Variants in SVOP observed in about 807,000 individuals in gnomAD.
SVOP encodes SV2 related protein.
In SVOP, 17 loss-of-function variants were observed where a neutral mutation model predicts 69.1. That is an observed-to-expected ratio of 0.25 (90% CI 0.17 to 0.37). The LOEUF (loss-of-function observed/expected upper bound fraction) is 0.37, where lower values mean the gene tolerates loss of function less well. Among genes scored for constraint, SVOP ranks in the 10% least tolerant of loss-of-function variants. The pLI, the probability that SVOP is intolerant of heterozygous loss-of-function variation, is 1.00. For missense variants in SVOP, 435 were observed against 597.5 expected, an observed-to-expected ratio of 0.73 and a Z score of 2.84; for synonymous variants, 238 against 238.6, an observed-to-expected ratio of 1.00 and a Z score of 0.02.
chr12:109,004,410 C>CAT, intron 1 of SVOP, among the ~76,000 whole-genome samples: 1 of 120,400 alleles, frequency 8.3e-6, no homozygotes, highest in South Asian at 2.8e-4. Context: ...GGTATTGCTA[C>CAT]TTTTTTTTTT....
chr12:108,979,790 C>A (rs1451560633), intron 2 of SVOP, among the ~76,000 whole-genome samples: 5 of 152,110 alleles, frequency 3.3e-5, no homozygotes, highest in Non-Finnish European at 5.9e-5. Context: ...TCTTTAATGT[C>A]TGAATGCTTT....
rs891118759 is a variant in SVOP at position 108,929,490 on chromosome 12, G to A, written c.1048+4705C>T. 2.0e-5 allele frequency among the ~76,000 whole-genome samples: 3 copies of A among 151,746 alleles called. No individual in the cohort carries two copies. The East Asian group carries it at 5.8e-4, about 29-fold the overall frequency. ...GGCATGCGAATTTTTTCTACATTTT[G>A]TAGAAATGGGGTCTCACTATGTTGC... On this transcript the variant is annotated intron_variant, in intron 11 of 15. Transcript: ENST00000610966.
intron 1 of SVOP, among the ~76,000 whole-genome samples, chr12:108,985,957 A>G (rs1475811863): frequency 6.6e-6 from 1 of 152,214 alleles, no homozygotes; most frequent in Non-Finnish European, 1.5e-5. Context: ...AGATTAAATC[A>G]CAGTAATTCT....
intron 5 of SVOP, among the ~76,000 whole-genome samples, chr12:108,967,740 T>G (rs1455043484): frequency 1.3e-5 from 2 of 152,162 alleles, no homozygotes; most frequent in East Asian, 3.9e-4. Flanking sequence ...TTGGCCCCTA[T>G]GCACTGGATG....
chr12:108,970,633 C>T (rs2040073645), intron 5 of SVOP, among the ~76,000 whole-genome samples: 2 of 152,108 alleles, frequency 1.3e-5, no homozygotes, highest in African/African-American at 4.8e-5. Flanking sequence ...AAGTATGGTC[C>T]CAAGCATTGA....
chr12:108,960,366 G>C (rs1450112479), intron 6 of SVOP, among the ~76,000 whole-genome samples: 1 of 152,186 alleles, frequency 6.6e-6, no homozygotes, highest in Non-Finnish European at 1.5e-5. Context: ...CCAGGAGACA[G>C]TGGCTTCTTC....
chr12:109,009,208 C>T (rs748645588), intron 1 of SVOP, among the ~76,000 whole-genome samples: 26 of 151,214 alleles, frequency 1.7e-4, no homozygotes, highest in Middle Eastern at 3.5e-3. Context: ...ATAATCAGCC[C>T]GCCTTGGCCT....
At chr12:108,919,291 A>C (rs985056568) in intron 13 of SVOP, among the ~76,000 whole-genome samples, 9 of 146,182 alleles carry the variant, frequency 6.2e-5, no homozygotes, top group Non-Finnish European at 9.0e-5. Flanking sequence ...ACCTGTACCC[A>C]CACTTGGGCC....
chr12:108,984,756 C>T (rs2040158513), intron 1 of SVOP, among the ~76,000 whole-genome samples: 1 of 152,144 alleles, frequency 6.6e-6, no homozygotes, highest in African/African-American at 2.4e-5. Context: ...TGTCTCCTTC[C>T]AACTTTCTCA....
At chr12:108,941,104 A>G (rs562843028) in intron 7 of SVOP, among the ~76,000 whole-genome samples, 195 bp from the exon 8 acceptor site, 12 of 152,214 alleles carry the variant, frequency 7.9e-5, no homozygotes, top group Non-Finnish European at 1.6e-4. Context: ...CAAGGGTACC[A>G]TTATACACTG....
At chr12:108,959,385 ACT>A (rs2040004170) in intron 6 of SVOP, among the ~76,000 whole-genome samples, 1 of 128,794 alleles carries the variant, frequency 7.8e-6, no homozygotes, top group South Asian at 2.4e-4. Context: ...TCAGAGTCTC[ACT>A]CTGTCATTCA....
chr12:108,920,268 G>T (rs754439150), intron 12 of SVOP, among the ~76,000 whole-genome samples: 3 of 152,226 alleles, frequency 2.0e-5, no homozygotes, highest in Non-Finnish European at 4.4e-5. Context: ...CACAACAACT[G>T]TGAGATCATA....
chr12:108,927,620 T>G (rs1463176995), intron 11 of SVOP, among the ~76,000 whole-genome samples: 1 of 148,252 alleles, frequency 6.7e-6, no homozygotes, highest in Non-Finnish European at 1.5e-5. Context: ...AAAGAGGCTC[T>G]CACTCTGTTG....
chr12:108,989,404 C>T (rs1271642563), intron 1 of SVOP, among the ~76,000 whole-genome samples: 2 of 148,072 alleles, frequency 1.4e-5, no homozygotes, highest in Admixed American at 1.4e-4. Context: ...AAGCGATTTA[C>T]TGAGGAAGGA....
intron 1 of SVOP, among the ~76,000 whole-genome samples, chr12:108,985,690 A>G (rs1024009896): frequency 6.6e-6 from 1 of 152,184 alleles, no homozygotes; most frequent in African/African-American, 2.4e-5. Flanking sequence ...TAAGAAAAAG[A>G]AAAAAGTCTG....
At chr12:108,987,389 A>G (rs1318647294) in intron 1 of SVOP, among the ~76,000 whole-genome samples, 6 of 152,216 alleles carry the variant, frequency 3.9e-5, no homozygotes, top group African/African-American at 1.4e-4. Flanking sequence ...ATTGTGAATA[A>G]TGCTGTAATG....
intron 13 of SVOP, among the ~76,000 whole-genome samples, chr12:108,918,531 C>G (rs1014894446): frequency 6.6e-6 from 1 of 152,142 alleles, no homozygotes; most frequent in Non-Finnish European, 1.5e-5. Context: ...TCCCATTGTT[C>G]CCATAAATGT....
chr12:108,977,555 G>A, intron 3 of SVOP, 59 bp from the exon 4 acceptor site: 1 of 1,205,322 alleles, frequency 8.3e-7, no homozygotes, highest in South Asian at 1.3e-5. Flanking sequence ...GGGGAAGGCT[G>A]GCCAAGTCCA....
chr12:109,004,461 G>A (rs2135624589), intron 1 of SVOP, among the ~76,000 whole-genome samples: 1 of 141,416 alleles, frequency 7.1e-6, no homozygotes, highest in African/African-American at 2.6e-5. Context: ...GCCCAAGTTT[G>A]GAGTGCAGAT....
Sources: gnomAD v4.1 joint callset for allele counts (sites outside exome capture counted in the v4.1 genomes callset) on GRCh38, gnomAD v4.1.1 for gene constraint, MANE v1.5 for transcripts, NCBI Gene and HGNC (gene_info 2026-07-23, HGNC 2026-07-21) for gene names.